The following PIBF1 variants were observed in gnomAD, a reference collection of about 807,000 sequenced individuals.
PIBF1 encodes the protein progesterone immunomodulatory binding factor 1, also known as progesterone-induced-blocking factor 1.
PIBF1 carries 90 observed loss-of-function variants against 112.5 expected under a neutral mutation model. The observed-to-expected ratio is 0.80, with a 90% CI of 0.67 to 0.95. PIBF1 has a LOEUF of 0.95. Among genes scored for constraint, PIBF1 ranks in the 40% least tolerant of loss-of-function variants. PIBF1 has a pLI of 0.00. For missense variants in PIBF1, 915 were observed against 852.3 expected (o/e 1.07, Z -0.92); for synonymous variants, 301 against 288.6 (o/e 1.04, Z -0.44).
At chr13:72,952,850 C>T (rs1187038744) in intron 14 of PIBF1, among the ~76,000 whole-genome samples, 1 of 145,488 alleles carries the variant, frequency 6.9e-6, no homozygotes, top group Non-Finnish European at 1.5e-5. Context: ...GCAGAGGTCT[C>T]ATGAAGCTTC....
At chr13:72,948,860 C>G (rs146510929) in intron 14 of PIBF1, among the ~76,000 whole-genome samples, 1 of 152,162 alleles carries the variant, frequency 6.6e-6, no homozygotes, top group Non-Finnish European at 1.5e-5. Context: ...CTCACTGTCA[C>G]GAGAACAGCA....
chr13:72,997,314 A>G (rs1048322459), intron 16 of PIBF1, among the ~76,000 whole-genome samples: 3 of 152,242 alleles, frequency 2.0e-5, no homozygotes, highest in South Asian at 2.1e-4. Context: ...CATCAAATCA[A>G]TAATTATATA....
chr13:72,906,790 T>A (rs1379953391), intron 11 of PIBF1, among the ~76,000 whole-genome samples: 1 of 152,176 alleles, frequency 6.6e-6, no homozygotes, highest in Non-Finnish European at 1.5e-5. Flanking sequence ...TCTCCTGTTT[T>A]TCTTCGTGTG....
rs956930961 is a variant in PIBF1 at position 73,016,055 on chromosome 13, C to A, written c.*136C>A. The A allele has an allele frequency of 5.6e-6, 2 of 359,872 alleles. No homozygotes were observed. Among genetic ancestry groups the A allele is most frequent in the African/African-American group, 2.1e-5 (1 of 47,090 alleles). 22.3% of individuals were successfully genotyped at this position (359,872 alleles called of 1,614,324 possible). ...TTTATTTGAACTAATATTAAATTAACAAATTCAGTGTAATCAAAATGTGTA... is the reference window on the plus strand; with the variant it reads ...TTTATTTGAACTAATATTAAATTAAAAAATTCAGTGTAATCAAAATGTGTA... On this transcript the variant is annotated 3_prime_UTR_variant, in exon 18 of 18. Coordinates refer to ENST00000326291, the MANE Select transcript of PIBF1 (RefSeq NM_006346.4).
intron 8 of PIBF1, among the ~76,000 whole-genome samples, chr13:72,833,720 C>T (rs976762865): frequency 1.3e-5 from 2 of 152,142 alleles, no homozygotes; most frequent in Admixed American, 6.5e-5. Flanking sequence ...TCAGGATACA[C>T]GGGGGTCAGG....
At chr13:72,942,954 T>C (rs944066850) in intron 14 of PIBF1, among the ~76,000 whole-genome samples, 1 of 152,088 alleles carries the variant, frequency 6.6e-6, no homozygotes, top group Non-Finnish European at 1.5e-5. Context: ...TGAGCCAAGA[T>C]TGTGTCACTG....
intron 12 of PIBF1, among the ~76,000 whole-genome samples, chr13:72,910,755 A>G (rs2040866113): frequency 6.6e-6 from 1 of 152,212 alleles, no homozygotes. Context: ...ATAGCAGAAT[A>G]TATAGTCATT....
At chr13:72,803,761 G>A (rs1002699212) in intron 5 of PIBF1, among the ~76,000 whole-genome samples, 8 of 152,132 alleles carry the variant, frequency 5.3e-5, no homozygotes, top group African/African-American at 1.9e-4. Context: ...ACTAGAGGAG[G>A]GTTTACAAAA....
chr13:72,848,365 C>G (rs1214476781), intron 9 of PIBF1, among the ~76,000 whole-genome samples: 3 of 152,160 alleles, frequency 2.0e-5, no homozygotes, highest in Non-Finnish European at 1.5e-5. Context: ...CAAATACATT[C>G]TACCCTGTAC....
chr13:72,836,261 T>C (rs1483428026), intron 9 of PIBF1: 1 of 318,878 alleles, frequency 3.1e-6, no homozygotes, highest in Non-Finnish European at 6.3e-6. Context: ...GTCAGTGTGG[T>C]TTTTGAAAGT....
intron 17 of PIBF1, among the ~76,000 whole-genome samples, chr13:73,010,730 A>G (rs997192913): frequency 2.7e-5 from 4 of 150,716 alleles, no homozygotes; most frequent in African/African-American, 9.8e-5. Context: ...TATAAGAATC[A>G]TGCAATTCCC....
At chr13:72,789,856 C>A (rs930564514) in intron 2 of PIBF1, among the ~76,000 whole-genome samples, 4 of 152,020 alleles carry the variant, frequency 2.6e-5, no homozygotes, top group Admixed American at 6.6e-5. Flanking sequence ...TTTCAGACTT[C>A]AGAGCATTTT....
chr13:72,905,364 CG>C (rs2040668360), intron 11 of PIBF1, among the ~76,000 whole-genome samples: 1 of 152,088 alleles, frequency 6.6e-6, no homozygotes, highest in Non-Finnish European at 1.5e-5. Context: ...CCACACCCAG[CG>C]TAAATCCCAT....
intron 10 of PIBF1, among the ~76,000 whole-genome samples, chr13:72,875,099 A>G (rs2138453843): frequency 6.6e-6 from 1 of 152,314 alleles, no homozygotes; most frequent in South Asian, 2.1e-4. Flanking sequence ...TAGTTTCATT[A>G]CTATATTATT....
chr13:72,964,994 G>A (rs1388741372), intron 14 of PIBF1, among the ~76,000 whole-genome samples: 2 of 152,114 alleles, frequency 1.3e-5, no homozygotes, highest in Admixed American at 6.5e-5. Flanking sequence ...CCTGGAAGGC[G>A]GAGGTTGCAG....
At chr13:72,843,193 G>C (rs186214965) in intron 9 of PIBF1, among the ~76,000 whole-genome samples, 1 of 152,210 alleles carries the variant, frequency 6.6e-6, no homozygotes, top group Non-Finnish European at 1.5e-5. Flanking sequence ...GTGGATTATA[G>C]TTGAAGAAAG....
intron 14 of PIBF1, among the ~76,000 whole-genome samples, chr13:72,964,349 T>A (rs1461627336): frequency 6.6e-6 from 1 of 152,168 alleles, no homozygotes; most frequent in Non-Finnish European, 1.5e-5. Flanking sequence ...AATGGGGAGT[T>A]TTTGTTTAAT....
chr13:72,827,243 T>A, intron 7 of PIBF1, 125 bp downstream of exon 7: 1 of 258,994 alleles, frequency 3.9e-6, no homozygotes, highest in Non-Finnish European at 7.0e-6. Flanking sequence ...GATAAATTTT[T>A]TTTTTTTTTT....
In PIBF1 at chr13:72,949,300, CTTTTTTTTTTTTTTTTTTTT is replaced by C. The variant is rs71099771; in HGVS notation, c.1834-15960_1834-15941del. Among the ~76,000 whole-genome samples the C allele has an allele frequency of 2.7e-4, 15 of 54,954 alleles. No homozygotes were observed. The Admixed American group carries it at 4.0e-3, about 15-fold the overall frequency. The allele number at this position is 54,954 out of a possible 152,430, so 36.1% of individuals were successfully genotyped here. ...AACTACTACCTAGACAAATAGCTGTCTTTTTTTTTTTTTTTTTTTTTTTTTTTTTTTTTGAGACAGAGTCT... is the reference window on the plus strand; with the variant it reads ...AACTACTACCTAGACAAATAGCTGTCTTTTTTTTTTTTTGAGACAGAGTCT... On this transcript the variant is annotated intron_variant, in intron 14 of 17. Coordinates refer to ENST00000326291, the MANE Select transcript of PIBF1 (RefSeq NM_006346.4).
Sources: allele counts gnomAD v4.1 joint callset (sites outside exome capture counted in the v4.1 genomes callset), GRCh38; gene constraint gnomAD v4.1.1; transcripts MANE v1.5; gene names NCBI Gene and HGNC (gene_info 2026-07-23, HGNC 2026-07-21).